The following TSPAN5 variants were observed in gnomAD, a reference collection of about 807,000 sequenced individuals.
TSPAN5 encodes tetraspanin 5.
A neutral mutation model predicts 37.1 loss-of-function variants in TSPAN5; 10 were observed. The ratio of observed to expected loss-of-function variants is 0.27; its 90% confidence interval spans 0.17 to 0.46. The LOEUF (loss-of-function observed/expected upper bound fraction) is 0.46. Ranked by LOEUF, TSPAN5 falls within the 20% of genes least tolerant of loss-of-function variation. The pLI, the probability that TSPAN5 is intolerant of heterozygous loss-of-function variation, is 1.00. For synonymous variants in TSPAN5, 110 were observed against 118.9 expected (o/e 0.93, Z 0.48); for missense variants, 195 against 326.6 (o/e 0.60, Z 3.11).
At chr4:98,599,211 G>A (rs1399382127) in intron 1 of TSPAN5, among the ~76,000 whole-genome samples, 1 of 152,022 alleles carries the variant, frequency 6.6e-6, no homozygotes, top group Admixed American at 6.6e-5. Context: ...CATAATCATA[G>A]CTCACTGTAG....
intron 1 of TSPAN5, among the ~76,000 whole-genome samples, chr4:98,545,107 C>T (rs1754440519): frequency 6.6e-6 from 1 of 152,198 alleles, no homozygotes; most frequent in Non-Finnish European, 1.5e-5. Flanking sequence ...CCTAGCCCAC[C>T]AAAGTCCATG....
chr4:98,640,743 G>A (rs1756947442), intron 1 of TSPAN5, among the ~76,000 whole-genome samples: 1 of 152,134 alleles, frequency 6.6e-6, no homozygotes, highest in South Asian at 2.1e-4. Flanking sequence ...TATTATACAG[G>A]GTACACTTTT....
intron 1 of TSPAN5, among the ~76,000 whole-genome samples, chr4:98,547,107 C>T (rs1478476796): frequency 5.3e-5 from 8 of 152,166 alleles, no homozygotes; most frequent in East Asian, 1.9e-4. Context: ...AAAAGAAACA[C>T]CTCGCTGGCT....
At chr4:98,655,717 G>A (rs1344926927) in intron 1 of TSPAN5, among the ~76,000 whole-genome samples, 2 of 152,192 alleles carry the variant, frequency 1.3e-5, no homozygotes, top group African/African-American at 4.8e-5. Flanking sequence ...GCAGAGGTGT[G>A]TAACTTTTCA....
chr4:98,472,495 T>C lies in TSPAN5; in HGVS notation c.*27A>G. ...GGTCCCGAAAGCTGGGTCTGTCCAG[T>C]GTCTTGCAGCAGCGGTTGCAGGGGG... is the stretch of plus-strand genomic sequence containing the variant. On this transcript the variant is annotated 3_prime_UTR_variant, in exon 8 of 8. Transcript: ENST00000305798. 1 of 1,612,560 alleles carries C rather than the reference T, an allele frequency of 6.2e-7. No homozygotes were observed. The highest frequency in any genetic ancestry group is 1.1e-5 in the South Asian group (1 of 90,986).
At chr4:98,586,508 G>A (rs935959978) in intron 1 of TSPAN5, among the ~76,000 whole-genome samples, 5 of 152,162 alleles carry the variant, frequency 3.3e-5, no homozygotes, top group African/African-American at 1.2e-4. Context: ...AATGAACTAG[G>A]TCACTAAGTA....
intron 1 of TSPAN5, among the ~76,000 whole-genome samples, chr4:98,586,276 T>C (rs1755481864): frequency 6.6e-6 from 1 of 152,196 alleles, no homozygotes; most frequent in Non-Finnish European, 1.5e-5. Flanking sequence ...ACCAAAATAA[T>C]ACATGTTTCT....
chr4:98,645,368 G>C (rs1168825533), intron 1 of TSPAN5, among the ~76,000 whole-genome samples: 5 of 152,114 alleles, frequency 3.3e-5, no homozygotes, highest in Non-Finnish European at 7.3e-5. Context: ...ATTAAAATCA[G>C]AGTCAATTTA....
At chr4:98,608,528 G>A (rs1756095281) in intron 1 of TSPAN5, among the ~76,000 whole-genome samples, 1 of 152,166 alleles carries the variant, frequency 6.6e-6, no homozygotes, top group East Asian at 1.9e-4. Context: ...GAGAGGAACA[G>A]TCTTCTGTGA....
At chr4:98,499,543 G>C (rs972493607) in intron 2 of TSPAN5, among the ~76,000 whole-genome samples, 3 of 151,870 alleles carry the variant, frequency 2.0e-5, no homozygotes, top group Admixed American at 1.3e-4. Context: ...AATACATAGA[G>C]AAACATTAAA....
chr4:98,486,916 C>G (rs752119019), intron 2 of TSPAN5, 32 bp from the exon 3 acceptor site: 7 of 1,606,388 alleles, frequency 4.4e-6, no homozygotes, highest in Admixed American at 1.7e-5. Context: ...CAACAAGGCA[C>G]GGGGATGTGG....
chr4:98,656,707 C>T (rs2110297648), intron 1 of TSPAN5, among the ~76,000 whole-genome samples: 1 of 152,232 alleles, frequency 6.6e-6, no homozygotes, highest in South Asian at 2.1e-4. Context: ...TTTATTAGTC[C>T]TGAAGACAGA....
intron 1 of TSPAN5, among the ~76,000 whole-genome samples, chr4:98,618,281 T>C (rs1259373084): frequency 6.6e-6 from 1 of 151,146 alleles, no homozygotes; most frequent in Non-Finnish European, 1.5e-5. Flanking sequence ...AAGTCACCAG[T>C]ATAAAACAAA....
intron 1 of TSPAN5, among the ~76,000 whole-genome samples, chr4:98,613,230 T>C (rs1354942695): frequency 6.6e-6 from 1 of 151,806 alleles, no homozygotes; most frequent in Admixed American, 6.6e-5. Flanking sequence ...CAAATTAATA[T>C]ACTGAAATAC....
chr4:98,515,861 T>TCCATTGCTAAGTTCCATGAA (rs1753716938), intron 1 of TSPAN5, among the ~76,000 whole-genome samples: 1 of 152,226 alleles, frequency 6.6e-6, no homozygotes, highest in African/African-American at 2.4e-5. Flanking sequence ...CCATTGCTTT[T>TCCATTGCTAAGTTCCATGAA]CTTAGCAACC....
Position 98,470,478 on chromosome 4 carries a change from C to T in TSPAN5, c.*2044G>A, listed in dbSNP as rs1293182540. On this transcript the variant is annotated 3_prime_UTR_variant, in exon 8 of 8. Coordinates refer to ENST00000305798, the MANE Select transcript of TSPAN5 (RefSeq NM_005723.4). Reference sequence around the variant, plus strand: ...AACTCACTCGGACTTGCTGTTTGGCCTTTCAGTGGATGTGCCAAAGGGCAG... The same window carrying T: ...AACTCACTCGGACTTGCTGTTTGGCTTTTCAGTGGATGTGCCAAAGGGCAG... The T allele has an allele frequency of 1.3e-5, 2 of 152,226 alleles. No homozygotes were observed. The highest frequency in any genetic ancestry group is 3.9e-4 in the East Asian group (2 of 5,192). 9.4% of individuals were successfully genotyped at this position (152,226 alleles called of 1,614,324 possible). A position where few individuals can be genotyped will look rare whatever the true frequency, so the allele number is the denominator to read the frequency against.
chr4:98,651,496 G>A (rs1044016431), intron 1 of TSPAN5, among the ~76,000 whole-genome samples: 3 of 152,192 alleles, frequency 2.0e-5, no homozygotes, highest in Non-Finnish European at 4.4e-5. Flanking sequence ...GTACTGTGGT[G>A]ATCTAGGAGA....
chr4:98,516,220 G>T (rs1753726526), intron 1 of TSPAN5, among the ~76,000 whole-genome samples: 2 of 152,180 alleles, frequency 1.3e-5, no homozygotes, highest in Non-Finnish European at 2.9e-5. Flanking sequence ...CCCACTCTCT[G>T]GACAGATGAG....
intron 1 of TSPAN5, among the ~76,000 whole-genome samples, chr4:98,646,102 G>C (rs1757062533): frequency 6.6e-6 from 1 of 150,978 alleles, no homozygotes; most frequent in Non-Finnish European, 1.5e-5. Context: ...GACAGTACAG[G>C]TGGCAAAAAA....
Sources: allele counts gnomAD v4.1 joint callset (sites outside exome capture counted in the v4.1 genomes callset), GRCh38; gene constraint gnomAD v4.1.1; transcripts MANE v1.5; gene names NCBI Gene and HGNC (gene_info 2026-07-23, HGNC 2026-07-21).